TTLL11: variants seen among roughly 807,000 people sequenced by gnomAD.
TTLL11 encodes the protein tubulin tyrosine ligase like 11.
A neutral mutation model predicts 51.7 loss-of-function variants in TTLL11; 42 were observed. The ratio of observed to expected loss-of-function variants is 0.81; its 90% CI spans 0.64 to 1.05. The LOEUF (loss-of-function observed/expected upper bound fraction) is 1.05, where lower values mean the gene tolerates loss of function less well. Ranked by LOEUF, TTLL11 falls within the 50% of genes least tolerant of loss-of-function variation. TTLL11 has a pLI of 0.00. For synonymous variants in TTLL11, 381 were observed against 383.5 expected (o/e 0.99, Z 0.08); for missense variants, 799 against 940.4 (o/e 0.85, Z 1.97).
At chr9:122,020,514 C>G (rs957714062) in intron 3 of TTLL11, among the ~76,000 whole-genome samples, 4 of 152,252 alleles carry the variant, frequency 2.6e-5, no homozygotes, top group African/African-American at 9.6e-5. Flanking sequence ...GACTTAACCT[C>G]TCTGTACTTC....
intron 6 of TTLL11, among the ~76,000 whole-genome samples, chr9:121,959,140 G>A (rs1842127375): frequency 1.3e-5 from 2 of 152,186 alleles, no homozygotes; most frequent in African/African-American, 2.4e-5. Flanking sequence ...CGAGCTCTGT[G>A]AGCATGCTGA....
At chr9:121,827,278 C>T (rs1836841472) in intron 8 of TTLL11, among the ~76,000 whole-genome samples, 1 of 152,156 alleles carries the variant, frequency 6.6e-6, no homozygotes, top group Admixed American at 6.5e-5. Context: ...GGCTTACAGG[C>T]CTGCCACACA....
intron 1 of TTLL11, among the ~76,000 whole-genome samples, chr9:122,041,571 A>C (rs1047995605): frequency 6.6e-6 from 1 of 152,216 alleles, no homozygotes; most frequent in Non-Finnish European, 1.5e-5. Flanking sequence ...AAATTCAGCA[A>C]AGTTGCAGGA....
chr9:121,988,360 C>T (rs1011879442), intron 4 of TTLL11, among the ~76,000 whole-genome samples: 7 of 151,986 alleles, frequency 4.6e-5, no homozygotes, highest in Non-Finnish European at 1.0e-4. Flanking sequence ...AGGGACCACC[C>T]CCCCGAACCA....
chr9:121,989,034 T>G lies in TTLL11; in HGVS notation c.1269+161A>C. The G allele has an allele frequency of 6.7e-7, 1 of 1,495,288 alleles. No homozygotes were observed. The highest frequency in any genetic ancestry group is 8.9e-7 in the Non-Finnish European group (1 of 1,122,470). 92.6% of individuals were successfully genotyped at this position (1,495,288 alleles called of 1,614,324 possible). Reference sequence around the variant, plus strand: ...ATCACACAGGGAGCAAACAGAAAGCTTGGAAGTTGGGCCCAGGTTTAACAC... The same window carrying G: ...ATCACACAGGGAGCAAACAGAAAGCGTGGAAGTTGGGCCCAGGTTTAACAC... On this transcript the variant is annotated intron_variant, in intron 4 of 8. Transcript: ENST00000321582. The surrounding 1 kb of genome is among the most constrained non-coding windows in gnomAD (Gnocchi z 4.2).
Position 121,974,881 on chromosome 9 carries a change from T to TA in TTLL11, c.1365+2dup. 6.5e-7 allele frequency: 1 copy of TA among 1,540,446 alleles called. No individual in the cohort carries two copies. Among genetic ancestry groups the TA allele is most frequent in the Non-Finnish European group, 8.8e-7 (1 of 1,141,888 alleles). On this transcript the variant is annotated splice_region_variant and intron_variant, in intron 5 of 8. Coordinates refer to ENST00000321582, the MANE Select transcript of TTLL11 (RefSeq NM_001139442.2). The stretch of plus-strand genomic sequence containing the variant: ...TAGTCAATGAGATGCTCAAAATACT[T>TA]ACTTCGTGCTCATGTTCGATTCTCA...
chr9:122,090,982 G>A (rs1588272572), intron 1 of TTLL11, among the ~76,000 whole-genome samples: 1 of 152,098 alleles, frequency 6.6e-6, no homozygotes, highest in Admixed American at 6.6e-5. Flanking sequence ...ATTCCCTATT[G>A]AACCATGAAG....
intron 6 of TTLL11, among the ~76,000 whole-genome samples, chr9:121,905,659 C>T (rs1365846498): frequency 1.3e-5 from 2 of 152,154 alleles, no homozygotes; most frequent in Admixed American, 1.3e-4. Context: ...AGCCATTTAA[C>T]ATTTTATTAT....
chr9:121,965,375 C>G (rs932300416), intron 6 of TTLL11, among the ~76,000 whole-genome samples: 12 of 152,212 alleles, frequency 7.9e-5, no homozygotes, highest in African/African-American at 2.9e-4. Context: ...AAGCAAGGAC[C>G]TTCTTCACAA....
chr9:122,050,038 G>A lies in TTLL11; in HGVS notation c.463-10670C>T, dbSNP rs79253950. Among the ~76,000 whole-genome samples, 806 of 152,182 alleles carry A rather than the reference G, an allele frequency of 5.3e-3. 7 individuals are homozygous for A. Among genetic ancestry groups the A allele is most frequent in the African/African-American group, 0.019 (777 of 41,502 alleles). ...TGCTGTCATGGCTAAGGTACCAAGCGTGGACCAGCGAGACCCCAGCTCAAG... is the reference window on the plus strand; with the variant it reads ...TGCTGTCATGGCTAAGGTACCAAGCATGGACCAGCGAGACCCCAGCTCAAG... On this transcript the variant is annotated intron_variant, in intron 1 of 8. Transcript: ENST00000321582.
At chr9:121,900,785 C>G (rs145448038) in intron 6 of TTLL11, among the ~76,000 whole-genome samples, 398 of 152,148 alleles carry the variant, frequency 2.6e-3, no homozygotes, top group African/African-American at 8.9e-3. Context: ...GCCATTAAAC[C>G]CACTGAGTTC....
chr9:122,009,805 A>G (rs1450536514), intron 3 of TTLL11, among the ~76,000 whole-genome samples: 1 of 152,078 alleles, frequency 6.6e-6, no homozygotes, highest in Non-Finnish European at 1.5e-5. Context: ...AAGGGGTTAT[A>G]TGAATCCATT....
At chr9:121,992,487 G>A (rs1843144660) in intron 3 of TTLL11, among the ~76,000 whole-genome samples, 1 of 152,214 alleles carries the variant, frequency 6.6e-6, no homozygotes, top group Admixed American at 6.5e-5. Flanking sequence ...GTGTATTCTG[G>A]AAAAATCACC....
chr9:121,918,230 T>C (rs1840408743), intron 6 of TTLL11, among the ~76,000 whole-genome samples: 1 of 152,132 alleles, frequency 6.6e-6, no homozygotes, highest in South Asian at 2.1e-4. Flanking sequence ...GGCTGGGCCA[T>C]GAATGTGCAG....
intron 6 of TTLL11, among the ~76,000 whole-genome samples, chr9:121,938,412 A>G (rs1012318588): frequency 1.3e-5 from 2 of 152,182 alleles, no homozygotes; most frequent in Admixed American, 6.5e-5. Context: ...GAATAAAACC[A>G]TCATTCTTTG....
intron 6 of TTLL11, among the ~76,000 whole-genome samples, chr9:121,889,824 C>T (rs576665124): frequency 6.7e-6 from 1 of 148,486 alleles, no homozygotes; most frequent in Admixed American, 6.9e-5. Context: ...CACTTGAAAT[C>T]AGGAGGCGGA....
chr9:122,019,281 C>A (rs1844096053), intron 3 of TTLL11, among the ~76,000 whole-genome samples: 1 of 152,140 alleles, frequency 6.6e-6, no homozygotes, highest in Non-Finnish European at 1.5e-5. Context: ...GCTATCCTCT[C>A]CAACAGATCA....
rs115466715 is a variant in TTLL11, at chr9:122,059,029, C to T, written c.463-19661G>A. On this transcript the variant is annotated intron_variant, in intron 1 of 8. Coordinates refer to ENST00000321582, the MANE Select transcript of TTLL11 (RefSeq NM_001139442.2). ...AGGTCCTTAAGCACTCTGGGACTGG[C>T]TTACACACCTCTGCATTTCCATGCT... 2.8e-3 allele frequency among the ~76,000 whole-genome samples: 421 copies of T among 152,108 alleles called. 1 individual carries two copies. The highest frequency in any genetic ancestry group is 0.01 in the Middle Eastern group (3 of 292).
At chr9:122,039,425 A>T in intron 1 of TTLL11, 57 bp from the exon 2 acceptor site, 1 of 1,370,796 alleles carries the variant, frequency 7.3e-7, no homozygotes. Context: ...GACCACACTG[A>T]GTATCCATTA....
Sources: allele counts gnomAD v4.1 joint callset (sites outside exome capture counted in the v4.1 genomes callset), GRCh38; gene constraint gnomAD v4.1.1; non-coding constraint Gnocchi (gnomAD v3.1); transcripts MANE v1.5; gene names NCBI Gene and HGNC (gene_info 2026-07-23, HGNC 2026-07-21).